Variants in ARID3A observed in about 807,000 individuals in gnomAD.
ARID3A encodes the protein AT-rich interactive domain-containing protein 3A.
A neutral mutation model predicts 52.7 loss-of-function variants in ARID3A; 11 were observed. The ratio of observed to expected loss-of-function variants is 0.21; its 90% CI spans 0.13 to 0.35. ARID3A has a LOEUF of 0.35. ARID3A is among the 10% of genes least tolerant of loss of function. ARID3A has a pLI of 1.00. For missense variants in ARID3A, 721 were observed against 838.5 expected (o/e 0.86, Z 1.73); for synonymous variants, 404 against 359.4 (o/e 1.12, Z -1.40).
intron 3 of ARID3A, among the ~76,000 whole-genome samples, chr19:946,542 G>A (rs2037685921): frequency 1.4e-5 from 2 of 146,384 alleles, no homozygotes; most frequent in Admixed American, 1.4e-4. Context: ...CCGGGTTCAC[G>A]CCATTTTCCT....
intron 3 of ARID3A, among the ~76,000 whole-genome samples, chr19:953,509 G>A (rs1440255440): frequency 1.3e-5 from 2 of 152,130 alleles, no homozygotes; most frequent in East Asian, 3.9e-4. Flanking sequence ...GAGTGTCAGG[G>A]TCGGGGGCCA....
intron 8 of ARID3A, among the ~76,000 whole-genome samples, chr19:970,896 TGA>T (rs1202627526): frequency 6.6e-6 from 1 of 152,186 alleles, no homozygotes; most frequent in Non-Finnish European, 1.5e-5. Flanking sequence ...GAGGCTGAGC[TGA>T]AGGTCAGTGG....
At chr19:932,845 G>T in intron 3 of ARID3A, 103 bp downstream of exon 3, 1 of 1,496,752 alleles carries the variant, frequency 6.7e-7, no homozygotes, top group Non-Finnish European at 8.8e-7. Context: ...GCCGGGCGTC[G>T]AGTTGAGAGC....
intron 3 of ARID3A, among the ~76,000 whole-genome samples, chr19:936,085 C>T (rs537294062): frequency 1.6e-4 from 24 of 152,378 alleles, no homozygotes; most frequent in African/African-American, 5.3e-4. Context: ...CCACCGCGCC[C>T]GGCCCGTGAT....
chr19:972,066 C>T lies in ARID3A; in HGVS notation c.*1C>T, dbSNP rs1357987859. Reference sequence around the variant, plus strand: ...TACCTCAAATAACTCGTTGCCTTAACCGCATCACTCCCCACCCGCCACCCA... The same window carrying T: ...TACCTCAAATAACTCGTTGCCTTAATCGCATCACTCCCCACCCGCCACCCA... On this transcript the variant is annotated 3_prime_UTR_variant, in exon 9 of 9. Transcript: ENST00000263620. 6.5e-7 allele frequency: 1 copy of T among 1,529,430 alleles called. No homozygotes were observed. Among genetic ancestry groups the T allele is most frequent in the African/African-American group, 1.4e-5 (1 of 70,346 alleles). The allele number at this position is 1,529,430 out of a possible 1,614,324, so 94.7% of individuals were successfully genotyped here.
rs1303645719 is a variant in ARID3A at position 974,777 on chromosome 19, C to T, written c.*2712C>T. On this transcript the variant is annotated 3_prime_UTR_variant, in exon 9 of 9. Coordinates refer to ENST00000263620, the MANE Select transcript of ARID3A (RefSeq NM_005224.3). Reference sequence around the variant, plus strand: ...GAATCCTGCGTGTCGTGTCTGTGGGCGATCCGGCCTCCCGGCGGTGGGTGG... The same window carrying T: ...GAATCCTGCGTGTCGTGTCTGTGGGTGATCCGGCCTCCCGGCGGTGGGTGG... 6.5e-5 allele frequency: 15 copies of T among 229,450 alleles called. No individual in the cohort carries two copies. The South Asian group carries it at 9.1e-4, about 14-fold the overall frequency. The allele number at this position is 229,450 out of a possible 1,614,324, so 14.2% of individuals were successfully genotyped here. A position where few individuals can be genotyped will look rare whatever the true frequency, so the allele number is the denominator to read the frequency against.
intron 1 of ARID3A, among the ~76,000 whole-genome samples, chr19:927,745 G>A (rs1184838354): frequency 6.6e-6 from 1 of 152,120 alleles, no homozygotes; most frequent in Non-Finnish European, 1.5e-5. Flanking sequence ...TGCCGCCCTG[G>A]TGGCCTCCGG....
chr19:937,884 T>A (rs2037469604), intron 3 of ARID3A, among the ~76,000 whole-genome samples: 1 of 151,668 alleles, frequency 6.6e-6, no homozygotes, highest in Admixed American at 6.6e-5. Context: ...TTTTTTTGTA[T>A]TTTTTAGTAG....
At position 944,175 on chromosome 19, in the gene ARID3A, C is replaced by T. The variant is rs1209971882; in HGVS notation, c.693+11433C>T. On this transcript the variant is annotated intron_variant, in intron 3 of 8. Transcript: ENST00000263620. This position sits in a 1 kb window ranked among gnomAD's most constrained non-coding sequence, Gnocchi z 5.9. ...TGCTGTATGCCAGCCTGCCTGCGTA[C>T]TGGGGACACAGCCGTGCATGAAGCA... Among the ~76,000 whole-genome samples the T allele has an allele frequency of 2.0e-5, 3 of 152,322 alleles. No homozygotes were observed. The highest frequency in any genetic ancestry group is 7.2e-5 in the African/African-American group (3 of 41,554).
At chr19:950,556 G>A (rs1274720968) in intron 3 of ARID3A, among the ~76,000 whole-genome samples, 1 of 152,204 alleles carries the variant, frequency 6.6e-6, no homozygotes, top group Non-Finnish European at 1.5e-5. Flanking sequence ...TAGCCATGTG[G>A]AGGCGCGCGT....
chr19:926,228 A>C (rs1056806551), intron 1 of ARID3A, among the ~76,000 whole-genome samples, 169 bp downstream of exon 1: 4 of 150,990 alleles, frequency 2.6e-5, no homozygotes, highest in Non-Finnish European at 5.9e-5. Flanking sequence ...GGCCGTTCCC[A>C]GCGCGGGTTC....
chr19:964,161 C>T lies in ARID3A; in HGVS notation c.767-87C>T, dbSNP rs2038098842. ...GTCACAGCCTGGGCGGGGGAGTGCTCCTGGCATGGAGAGGGCGGAGGCCAG... is the reference window on the plus strand; with the variant it reads ...GTCACAGCCTGGGCGGGGGAGTGCTTCTGGCATGGAGAGGGCGGAGGCCAG... On this transcript the variant is annotated intron_variant, in intron 4 of 8. Coordinates refer to ENST00000263620, the MANE Select transcript of ARID3A (RefSeq NM_005224.3). The surrounding 1 kb of genome is among the most constrained non-coding windows in gnomAD (Gnocchi z 5.7). 3 of 1,161,198 alleles carry T rather than the reference C, an allele frequency of 2.6e-6. No homozygotes were observed. Among genetic ancestry groups the T allele is most frequent in the Non-Finnish European group, 2.5e-6 (2 of 815,454 alleles). The allele number at this position is 1,161,198 out of a possible 1,614,324, so 71.9% of individuals were successfully genotyped here.
chr19:957,452 G>A (rs970335982), intron 3 of ARID3A, among the ~76,000 whole-genome samples: 1 of 152,200 alleles, frequency 6.6e-6, no homozygotes, highest in Non-Finnish European at 1.5e-5. Flanking sequence ...GCTCCCGTCC[G>A]ACCCTCAGGA....
intron 2 of ARID3A, among the ~76,000 whole-genome samples, chr19:931,409 G>GCC (rs3216345): frequency 0.35 from 51,288 of 147,960 alleles, 11,021 homozygotes; most frequent in African/African-American, 0.59. Context: ...CCGAGATCGT[G>GCC]CCTTTGCACT....
chr19:951,445 T>A (rs1171347831), intron 3 of ARID3A, among the ~76,000 whole-genome samples: 1 of 151,962 alleles, frequency 6.6e-6, no homozygotes, highest in African/African-American at 2.4e-5. Context: ...TGGTCCCACC[T>A]AATCGGGAGG....
At chr19:968,127 G>A (rs1193903587) in intron 7 of ARID3A, among the ~76,000 whole-genome samples, 5 of 151,116 alleles carry the variant, frequency 3.3e-5, no homozygotes, top group African/African-American at 4.9e-5. Flanking sequence ...TTGGGAGGCC[G>A]AGGCGGGTGG....
rs559525673 is a variant in ARID3A at position 974,307 on chromosome 19, G to A, written c.*2242G>A. 6.6e-5 allele frequency: 15 copies of A among 228,648 alleles called. No homozygotes were observed. The highest frequency in any genetic ancestry group is 3.7e-4 in the East Asian group (6 of 16,074). 14.2% of individuals were successfully genotyped at this position (228,648 alleles called of 1,614,324 possible). On this transcript the variant is annotated 3_prime_UTR_variant, in exon 9 of 9. Transcript: ENST00000263620. Reference sequence around the variant, plus strand: ...CCCTTTCCAGGAGGGGGTGGTGGGCGTCTAGGTTTTCCTTGTCCCTTCCTG... The same window carrying A: ...CCCTTTCCAGGAGGGGGTGGTGGGCATCTAGGTTTTCCTTGTCCCTTCCTG...
intron 3 of ARID3A, among the ~76,000 whole-genome samples, chr19:937,807 C>T (rs978519304): frequency 6.0e-5 from 9 of 149,508 alleles, no homozygotes; most frequent in African/African-American, 1.2e-4. Flanking sequence ...CCCGGGTTCA[C>T]GCCATTCTCC....
intron 1 of ARID3A, among the ~76,000 whole-genome samples, chr19:927,564 AG>A (rs1283270533): frequency 6.9e-6 from 1 of 143,964 alleles, no homozygotes; most frequent in Non-Finnish European, 1.5e-5. Flanking sequence ...GCCCCCAAAG[AG>A]GGGGGGCTTT....
Sources: gnomAD v4.1 joint callset for allele counts (sites outside exome capture counted in the v4.1 genomes callset) on GRCh38, gnomAD v4.1.1 for gene constraint, Gnocchi (gnomAD v3.1) non-coding constraint, MANE v1.5 for transcripts, NCBI Gene and HGNC (gene_info 2026-07-23, HGNC 2026-07-21) for gene names.